CTCF: variants seen among roughly 807,000 people sequenced by gnomAD.
The protein encoded by CTCF is transcriptional repressor CTCF.
CTCF carries 7 observed loss-of-function variants against 72.3 expected under a neutral mutation model. The ratio of observed to expected loss-of-function variants is 0.10; its 90% CI spans 0.06 to 0.18. The LOEUF is 0.18. Ranked by LOEUF, CTCF falls within the 10% of genes least tolerant of loss-of-function variation. The pLI is 1.00. For missense variants in CTCF, 516 were observed against 949.1 expected (o/e 0.54, Z 6.00); for synonymous variants, 374 against 315.8 (o/e 1.18, Z -1.95).
chr16:67,605,148 A>G (rs376690642), intron 2 of CTCF, among the ~76,000 whole-genome samples: 2 of 150,614 alleles, frequency 1.3e-5, no homozygotes. Context: ...AATTTTTTGT[A>G]TTTTTTAGTA....
chr16:67,633,346 C>T (rs1390236318), intron 10 of CTCF, among the ~76,000 whole-genome samples: 1 of 152,142 alleles, frequency 6.6e-6, no homozygotes, highest in Non-Finnish European at 1.5e-5. Flanking sequence ...AGGTCACGTA[C>T]CTAGTAAGAG....
chr16:67,566,898 C>T (rs1168643705), intron 1 of CTCF, among the ~76,000 whole-genome samples: 2 of 151,004 alleles, frequency 1.3e-5, no homozygotes, highest in Non-Finnish European at 3.0e-5. Context: ...TGTTTTAAGA[C>T]AGGGTCTTTC....
At chr16:67,568,600 G>A (rs1477662931) in intron 1 of CTCF, 3 of 152,268 alleles carry the variant, frequency 2.0e-5, no homozygotes, top group Non-Finnish European at 4.4e-5. Flanking sequence ...CGTTGGCCAG[G>A]GTGGTCTCGA....
At chr16:67,619,375 G>T (rs1397178477) in intron 5 of CTCF, among the ~76,000 whole-genome samples, 1 of 152,148 alleles carries the variant, frequency 6.6e-6, no homozygotes, top group Non-Finnish European at 1.5e-5. Context: ...GGCGGAGGTT[G>T]CAGTGACCCA....
chr16:67,626,397 G>A (rs931798258), intron 7 of CTCF, 158 bp from the exon 8 acceptor site: 4 of 415,756 alleles, frequency 9.6e-6, no homozygotes, highest in African/African-American at 8.4e-5. Context: ...AGCTTGCAGT[G>A]AGCTGAGATT....
At chr16:67,622,674 CCT>C (rs1343964440) in intron 7 of CTCF, among the ~76,000 whole-genome samples, 5 of 130,142 alleles carry the variant, frequency 3.8e-5, no homozygotes, top group African/African-American at 1.5e-4. Flanking sequence ...ATGGAGTTTT[CCT>C]CTCGTCACCC....
chr16:67,600,149 C>A (rs1244610731), intron 2 of CTCF, among the ~76,000 whole-genome samples: 1 of 152,070 alleles, frequency 6.6e-6, no homozygotes, highest in Non-Finnish European at 1.5e-5. Flanking sequence ...ATGGATGGTA[C>A]CTGTGGGCCA....
chr16:67,597,906 G>C (rs899890198), intron 2 of CTCF, among the ~76,000 whole-genome samples: 1 of 152,148 alleles, frequency 6.6e-6, no homozygotes, highest in African/African-American at 2.4e-5. Flanking sequence ...TCGCTACTTA[G>C]TGAGGTTTTT....
At chr16:67,610,350 CTTTTTTTTTT>C (rs1158978403) in intron 2 of CTCF, among the ~76,000 whole-genome samples, 2 of 121,388 alleles carry the variant, frequency 1.6e-5, no homozygotes, top group African/African-American at 3.2e-5. Context: ...TTTTCTTTTT[CTTTTTTTTTT>C]TTTTTTTTTT....
chr16:67,594,396 AAAAG>A (rs1344119619), intron 2 of CTCF, among the ~76,000 whole-genome samples: 1 of 151,866 alleles, frequency 6.6e-6, no homozygotes, highest in African/African-American at 2.4e-5. Context: ...AAAAAAAAAA[AAAAG>A]GTGTAAGAAT....
intron 2 of CTCF, among the ~76,000 whole-genome samples, chr16:67,573,021 G>A (rs921500506): frequency 6.8e-6 from 1 of 146,142 alleles, no homozygotes; most frequent in African/African-American, 2.6e-5. Flanking sequence ...GGGAGGCTGA[G>A]GTGGGCGGAT....
intron 9 of CTCF, among the ~76,000 whole-genome samples, chr16:67,629,150 G>T (rs1171495191): frequency 6.6e-6 from 1 of 151,704 alleles, no homozygotes; most frequent in Non-Finnish European, 1.5e-5. Flanking sequence ...TCTCTTGGGG[G>T]CTCTGTTAGA....
chr16:67,603,842 T>G (rs1262043523), intron 2 of CTCF, among the ~76,000 whole-genome samples: 1 of 134,936 alleles, frequency 7.4e-6, no homozygotes, highest in Non-Finnish European at 1.6e-5. Context: ...AAAAAAAAAA[T>G]TAGAGGCCAG....
chr16:67,629,348 G>A (rs377296363), intron 9 of CTCF, 50 bp from the exon 10 acceptor site: 11 of 1,547,242 alleles, frequency 7.1e-6, no homozygotes, highest in Non-Finnish European at 9.6e-6. Context: ...CTTCCAATCT[G>A]ATCTTAGCTT....
chr16:67,569,643 TC>T (rs1724053200), intron 1 of CTCF, among the ~76,000 whole-genome samples: 1 of 152,050 alleles, frequency 6.6e-6, no homozygotes, highest in Admixed American at 6.6e-5. Context: ...TTGCTATGCT[TC>T]TAGGATTTTC....
chr16:67,580,741 A>G lies in CTCF; in HGVS notation c.-10+9477A>G, dbSNP rs192730083. 2.9e-4 allele frequency among the ~76,000 whole-genome samples: 39 copies of G among 132,528 alleles called. 1 individual carries two copies. Among genetic ancestry groups the G allele is most frequent in the Admixed American group, 2.8e-3 (38 of 13,404 alleles). The allele number at this position is 132,528 out of a possible 152,430, so 86.9% of individuals were successfully genotyped here. On this transcript the variant is annotated intron_variant, in intron 2 of 11. Transcript: ENST00000264010. ...CACACTCGGCTAATTTTGTACTTTT[A>G]GTAGAGGCACCTGCCCCAACGCCTG... is the stretch of plus-strand genomic sequence containing the variant.
chr16:67,591,959 T>C (rs955517453), intron 2 of CTCF, among the ~76,000 whole-genome samples: 1 of 152,042 alleles, frequency 6.6e-6, no homozygotes, highest in Admixed American at 6.6e-5. Context: ...ACGATTCTCT[T>C]GGCTCTGCCT....
intron 1 of CTCF, among the ~76,000 whole-genome samples, chr16:67,564,541 C>T (rs145106549): frequency 6.6e-6 from 1 of 152,168 alleles, no homozygotes; most frequent in Non-Finnish European, 1.5e-5. Context: ...TAACTAAATG[C>T]AGTAGCGTTG....
At chr16:67,563,152 GGCTTCGGC>G (rs1191993390) in intron 1 of CTCF, 1 of 152,100 alleles carries the variant, frequency 6.6e-6, no homozygotes, top group Non-Finnish European at 1.5e-5. Flanking sequence ...TCCGCGTCCC[GGCTTCGGC>G]GCCCGCCTAG....
Sources: allele counts gnomAD v4.1 joint callset (sites outside exome capture counted in the v4.1 genomes callset), GRCh38; gene constraint gnomAD v4.1.1; transcripts MANE v1.5; gene names NCBI Gene and HGNC (gene_info 2026-07-23, HGNC 2026-07-21).